The following CDK17 variants were observed in gnomAD, a reference collection of about 807,000 sequenced individuals.
The protein encoded by CDK17 is cyclin dependent kinase 17, also known as cyclin-dependent kinase 17.
A neutral mutation model predicts 77.6 loss-of-function variants in CDK17; 24 were observed. That is an observed-to-expected ratio of 0.31 (90% CI 0.22 to 0.44). CDK17 has a LOEUF of 0.44. Among genes scored for constraint, CDK17 ranks in the 20% least tolerant of loss-of-function variants. CDK17 has a pLI of 1.00. For missense variants in CDK17, 429 were observed against 622.5 expected, an observed-to-expected ratio of 0.69 and a Z score of 3.31; for synonymous variants, 203 against 210.4, an observed-to-expected ratio of 0.96 and a Z score of 0.30.
intron 14 of CDK17, among the ~76,000 whole-genome samples, chr12:96,282,889 T>C (rs1293693132): frequency 1.3e-5 from 2 of 152,222 alleles, no homozygotes; most frequent in Non-Finnish European, 2.9e-5. Flanking sequence ...ATATTTGACC[T>C]GTGTAGTTAC....
chr12:96,283,456 T>C, intron 14 of CDK17, 147 bp downstream of exon 14: 1 of 666,854 alleles, frequency 1.5e-6, no homozygotes, highest in Non-Finnish European at 2.6e-6. Flanking sequence ...TGTTTTTTTT[T>C]TTTTTTTTAA....
rs75652559 is a variant in CDK17 at position 96,353,980 on chromosome 12, G to A, written c.-29-19115C>T. 7.1e-3 allele frequency among the ~76,000 whole-genome samples: 1,087 copies of A among 152,174 alleles called. 7 individuals are homozygous for A. The highest frequency in any genetic ancestry group is 0.025 in the African/African-American group (1,031 of 41,496). On this transcript the variant is annotated intron_variant, in intron 1 of 16. Coordinates refer to ENST00000261211, the MANE Select transcript of CDK17 (RefSeq NM_002595.5). ...TATAAAACCAACTGAAGCCAGAAAGGGTATGTGTAATAAGAGGGAAGGTCA... is the reference window on the plus strand; with the variant it reads ...TATAAAACCAACTGAAGCCAGAAAGAGTATGTGTAATAAGAGGGAAGGTCA...
intron 1 of CDK17, among the ~76,000 whole-genome samples, chr12:96,395,681 T>C (rs1202742797): frequency 6.6e-6 from 1 of 152,194 alleles, no homozygotes; most frequent in Non-Finnish European, 1.5e-5. Context: ...CCCAGTGTGA[T>C]GGCTATTAGA....
rs1435115201 is a variant in CDK17, at chr12:96,316,651, T to C, written c.284-3197A>G. On this transcript the variant is annotated intron_variant, in intron 3 of 16. Transcript: ENST00000261211. The stretch of plus-strand genomic sequence containing the variant: ...CTCCTCAAGTGGGTCCCTGACCCCC[T>C]GACCCCCGAGCAGCCTAACTGTGAG... Among the ~76,000 whole-genome samples the C allele has an allele frequency of 3.1e-5, 4 of 127,748 alleles. 1 individual carries two copies. The highest frequency in any genetic ancestry group is 2.6e-4 in the Admixed American group (3 of 11,754). 83.8% of individuals were successfully genotyped at this position (127,748 alleles called of 152,430 possible). A position where few individuals can be genotyped will look rare whatever the true frequency, so the allele number is the denominator to read the frequency against.
intron 1 of CDK17, among the ~76,000 whole-genome samples, chr12:96,387,465 A>T (rs1953994077): frequency 6.6e-6 from 1 of 152,140 alleles, no homozygotes; most frequent in African/African-American, 2.4e-5. Context: ...ATTTTTTCTT[A>T]TTTTAGTCAA....
chr12:96,338,888 A>G (rs1953084575), intron 1 of CDK17, among the ~76,000 whole-genome samples: 1 of 151,742 alleles, frequency 6.6e-6, no homozygotes, highest in Non-Finnish European at 1.5e-5. Context: ...TGCATCTACC[A>G]CCATTTTCCA....
intron 3 of CDK17, among the ~76,000 whole-genome samples, chr12:96,317,564 C>T (rs1952749444): frequency 8.3e-6 from 1 of 120,398 alleles, no homozygotes; most frequent in African/African-American, 3.1e-5. Context: ...TCGGGTTACC[C>T]TCAAAGGGAA....
chr12:96,308,686 C>G (rs1592718136), intron 5 of CDK17, among the ~76,000 whole-genome samples: 1 of 150,264 alleles, frequency 6.7e-6, no homozygotes, highest in East Asian at 1.9e-4. Flanking sequence ...CAAAATTGCA[C>G]CACTACACTC....
intron 1 of CDK17, among the ~76,000 whole-genome samples, chr12:96,340,551 A>G (rs1953107673): frequency 6.6e-6 from 1 of 152,218 alleles, no homozygotes; most frequent in African/African-American, 2.4e-5. Flanking sequence ...AAGAAAAAAT[A>G]TTCCCAAATG....
rs550700131 is a variant in CDK17, at chr12:96,304,216, G to T, written c.544-3856C>A. 3.3e-5 allele frequency among the ~76,000 whole-genome samples: 5 copies of T among 152,238 alleles called. No individual in the cohort carries two copies. The South Asian group carries it at 8.3e-4, about 25-fold the overall frequency. On this transcript the variant is annotated intron_variant, in intron 5 of 16. Coordinates refer to ENST00000261211, the MANE Select transcript of CDK17 (RefSeq NM_002595.5). The stretch of plus-strand genomic sequence containing the variant: ...CTGTATGTACAGAGGATCCATAGAT[G>T]ACATTTTAAGAGTGAGTATATATTA...
At chr12:96,286,206 A>T in intron 12 of CDK17, 58 bp from the exon 13 acceptor site, 1 of 416,270 alleles carries the variant, frequency 2.4e-6, no homozygotes, top group Non-Finnish European at 3.8e-6. Flanking sequence ...TTATATATAA[A>T]AATTATATAC....
chr12:96,388,354 A>T (rs1954011259), intron 1 of CDK17, among the ~76,000 whole-genome samples: 1 of 152,142 alleles, frequency 6.6e-6, no homozygotes, highest in South Asian at 2.1e-4. Context: ...AACAATGCAC[A>T]TCTTAGACTA....
rs758982921 is a variant in CDK17, at chr12:96,313,312, A to C, written c.417+9T>G. 1.7e-5 allele frequency: 26 copies of C among 1,569,218 alleles called. 1 individual carries two copies. In the Middle Eastern group the frequency reaches 1.0e-3, roughly 60 times the overall value. ...TTCACAAGTATATTTGTATTTTTTA[A>C]ATGATTACCTCCATTGAGATCCGTC... is the stretch of plus-strand genomic sequence containing the variant. On this transcript the variant is annotated intron_variant, in intron 4 of 16. Coordinates refer to ENST00000261211, the MANE Select transcript of CDK17 (RefSeq NM_002595.5).
At chr12:96,391,097 A>G (rs1311221438) in intron 1 of CDK17, among the ~76,000 whole-genome samples, 1 of 151,498 alleles carries the variant, frequency 6.6e-6, no homozygotes, top group African/African-American at 2.4e-5. Flanking sequence ...AAAAAAAAAA[A>G]GAAAAACAAA....
At chr12:96,308,731 A>AAATAATAATAATGAT (rs1952608962) in intron 5 of CDK17, among the ~76,000 whole-genome samples, 1 of 132,572 alleles carries the variant, frequency 7.5e-6, no homozygotes, top group Non-Finnish European at 1.6e-5. Flanking sequence ...CCGTCTCCAA[A>AAATAATAATAATGAT]AATAATAATA....
chr12:96,310,793 T>C (rs1338909597), intron 5 of CDK17, among the ~76,000 whole-genome samples: 2 of 150,486 alleles, frequency 1.3e-5, no homozygotes, highest in Admixed American at 6.7e-5. Context: ...TATGTATTTA[T>C]CTACCTAGCA....
chr12:96,363,433 G>C (rs1342549948), intron 1 of CDK17, among the ~76,000 whole-genome samples: 1 of 130,070 alleles, frequency 7.7e-6, no homozygotes, highest in Non-Finnish European at 1.6e-5. Flanking sequence ...CTGGGCAACA[G>C]AGCAAGACTT....
chr12:96,286,553 G>T, intron 12 of CDK17, 111 bp downstream of exon 12: 1 of 694,930 alleles, frequency 1.4e-6, no homozygotes, highest in Non-Finnish European at 2.5e-6. Flanking sequence ...ACTAACAGCT[G>T]TTTATGTTAG....
chr12:96,309,767 G>C (rs991080119), intron 5 of CDK17, among the ~76,000 whole-genome samples: 9 of 152,180 alleles, frequency 5.9e-5, no homozygotes, highest in Non-Finnish European at 1.3e-4. Context: ...TTAGTCATCA[G>C]AGAAATGCAA....
Sources: allele counts gnomAD v4.1 joint callset (sites outside exome capture counted in the v4.1 genomes callset), GRCh38; gene constraint gnomAD v4.1.1; transcripts MANE v1.5; gene names NCBI Gene and HGNC (gene_info 2026-07-23, HGNC 2026-07-21).